Variants in NCKAP5 observed in about 807,000 individuals in gnomAD.
The protein encoded by NCKAP5 is NCK associated protein 5.
A neutral mutation model predicts 167.0 loss-of-function variants in NCKAP5; 92 were observed. That is an observed-to-expected ratio of 0.55 (90% CI 0.47 to 0.66). The LOEUF (loss-of-function observed/expected upper bound fraction) is 0.66, where lower values mean the gene tolerates loss of function less well. Among genes scored for constraint, NCKAP5 ranks in the 30% least tolerant of loss-of-function variants. The pLI is 0.00. For synonymous variants in NCKAP5, 891 were observed against 877.4 expected (o/e 1.02, Z -0.27); for missense variants, 2,378 against 2,315.0 (o/e 1.03, Z -0.56).
chr2:133,426,522 T>TA (rs1354775111), intron 3 of NCKAP5, among the ~76,000 whole-genome samples: 11 of 150,030 alleles, frequency 7.3e-5, no homozygotes, highest in Admixed American at 4.0e-4. Flanking sequence ...CAAAATCAGA[T>TA]ACAGACACTA....
chr2:133,269,619 G>T lies in NCKAP5; in HGVS notation c.143+33418C>A, dbSNP rs2089417826. ...GGAGAGGTCAATGAGGGTAGGCTTA[G>T]AAGACAGATCACTGGGTGGGGCCAA... On this transcript the variant is annotated intron_variant, in intron 4 of 19. Coordinates refer to ENST00000409261, the MANE Select transcript of NCKAP5 (RefSeq NM_207363.3). Among the ~76,000 whole-genome samples the T allele has an allele frequency of 2.0e-5, 3 of 152,196 alleles. No individual in the cohort carries two copies. The South Asian group carries it at 6.2e-4, about 32-fold the overall frequency.
At chr2:133,303,507 A>C (rs1680552372) in intron 3 of NCKAP5, among the ~76,000 whole-genome samples, 1 of 152,198 alleles carries the variant, frequency 6.6e-6, no homozygotes, top group Non-Finnish European at 1.5e-5. Flanking sequence ...TTCCAGCAAA[A>C]GTAATGTTTT....
At chr2:133,619,538 CA>C in the NCKAP5 span, among the ~76,000 whole-genome samples, 1 of 151,576 alleles carries the variant, frequency 6.6e-6, no homozygotes, top group Non-Finnish European at 1.5e-5. Flanking sequence ...CCAACAAAGA[CA>C]AAGAAAAAAG....
chr2:133,622,361 G>T, the NCKAP5 span, among the ~76,000 whole-genome samples: 2 of 152,212 alleles, frequency 1.3e-5, no homozygotes, highest in East Asian at 3.9e-4. Flanking sequence ...GTTTGCTGAT[G>T]ATATGATTGT....
chr2:133,167,683 T>C (rs1183610754), intron 5 of NCKAP5, among the ~76,000 whole-genome samples: 2 of 152,230 alleles, frequency 1.3e-5, no homozygotes, highest in Non-Finnish European at 2.9e-5. Context: ...GATTAGCTTC[T>C]AGTTCCAGCT....
At chr2:133,542,449 A>T (rs1686301746) in intron 2 of NCKAP5, among the ~76,000 whole-genome samples, 1 of 152,198 alleles carries the variant, frequency 6.6e-6, no homozygotes, top group Admixed American at 6.5e-5. Context: ...CATTTGCTTC[A>T]GGTAAACGGG....
chr2:133,449,665 G>C (rs1691422193), intron 3 of NCKAP5, among the ~76,000 whole-genome samples: 1 of 152,030 alleles, frequency 6.6e-6, no homozygotes, highest in Non-Finnish European at 1.5e-5. Context: ...AAAATCTACA[G>C]GCCAATCTGA....
At chr2:133,160,426 TTC>T (rs1491018567) in intron 5 of NCKAP5, among the ~76,000 whole-genome samples, 43 of 102,514 alleles carry the variant, frequency 4.2e-4, no homozygotes, top group East Asian at 1.1e-3. Flanking sequence ...TTTTTTTCTT[TTC>T]CTTTCTTTTT....
chr2:133,504,441 A>G (rs963349672), intron 3 of NCKAP5, among the ~76,000 whole-genome samples: 1 of 107,388 alleles, frequency 9.3e-6, no homozygotes, highest in Non-Finnish European at 2.0e-5. Context: ...CATTCAGCAC[A>G]TGCATTTAAG....
intron 5 of NCKAP5, among the ~76,000 whole-genome samples, chr2:133,130,653 C>T (rs896984835): frequency 6.6e-6 from 1 of 152,076 alleles, no homozygotes; most frequent in African/African-American, 2.4e-5. Flanking sequence ...GCCAAGCCAC[C>T]CACTGTTTTT....
At chr2:133,051,176 T>A (rs1384633989) in intron 6 of NCKAP5, among the ~76,000 whole-genome samples, 1 of 152,174 alleles carries the variant, frequency 6.6e-6, no homozygotes, top group Non-Finnish European at 1.5e-5. Context: ...AACTTCCTAA[T>A]TATTCCCTCT....
intron 8 of NCKAP5, among the ~76,000 whole-genome samples, chr2:132,890,478 C>T (rs1250285715): frequency 6.6e-6 from 1 of 152,162 alleles, no homozygotes; most frequent in Non-Finnish European, 1.5e-5. Context: ...GCAAAATACA[C>T]AGGTCCCCAA....
At chr2:132,788,423 C>T (rs1194093806) in intron 13 of NCKAP5, among the ~76,000 whole-genome samples, 1 of 152,092 alleles carries the variant, frequency 6.6e-6, no homozygotes. Context: ...TCAACAAGGC[C>T]AGTATAAAAG....
intron 3 of NCKAP5, among the ~76,000 whole-genome samples, chr2:133,315,564 G>A (rs569156184): frequency 4.6e-5 from 7 of 151,588 alleles, no homozygotes; most frequent in South Asian, 2.1e-4. Flanking sequence ...CCGTGACATC[G>A]AATGGGATTA....
chr2:133,338,780 G>T (rs1426410713), intron 3 of NCKAP5, among the ~76,000 whole-genome samples: 1 of 152,174 alleles, frequency 6.6e-6, no homozygotes, highest in African/African-American at 2.4e-5. Flanking sequence ...GGTCGAGGCA[G>T]GCAGATCACT....
At chr2:133,133,374 C>T (rs745896701) in intron 5 of NCKAP5, among the ~76,000 whole-genome samples, 6 of 152,180 alleles carry the variant, frequency 3.9e-5, no homozygotes, top group Non-Finnish European at 8.8e-5. Flanking sequence ...CACCACCTTT[C>T]AATTCTTCCC....
At chr2:133,140,840 C>T (rs946334007) in intron 5 of NCKAP5, among the ~76,000 whole-genome samples, 2 of 149,806 alleles carry the variant, frequency 1.3e-5, no homozygotes, top group African/African-American at 4.9e-5. Flanking sequence ...TAATATATTA[C>T]TATATATTCA....
At chr2:133,549,082 G>C (rs1311937787) in intron 2 of NCKAP5, among the ~76,000 whole-genome samples, 1 of 151,038 alleles carries the variant, frequency 6.6e-6, no homozygotes, top group African/African-American at 2.4e-5. Context: ...TGCAATCCTA[G>C]TCTCTGATAA....
chr2:133,052,992 G>A (rs2079658273), intron 6 of NCKAP5, among the ~76,000 whole-genome samples: 1 of 152,076 alleles, frequency 6.6e-6, no homozygotes, highest in Admixed American at 6.6e-5. Flanking sequence ...ATCCTCCTTG[G>A]GATGGCATGA....
Sources: allele counts gnomAD v4.1 joint callset (sites outside exome capture counted in the v4.1 genomes callset), GRCh38; gene constraint gnomAD v4.1.1; transcripts MANE v1.5; gene names NCBI Gene and HGNC (gene_info 2026-07-23, HGNC 2026-07-21).